Variants in ADAM22 observed in about 807,000 individuals in gnomAD.
ADAM22 encodes the protein disintegrin and metalloproteinase domain-containing protein 22.
ADAM22 carries 65 observed loss-of-function variants against 144.6 expected under a neutral mutation model. The observed-to-expected ratio is 0.45, with a 90% CI of 0.37 to 0.55. The LOEUF (loss-of-function observed/expected upper bound fraction) is 0.55, where lower values mean the gene tolerates loss of function less well. ADAM22 is among the 20% of genes least tolerant of loss of function. The probability of loss-of-function intolerance (pLI) is 0.00; values close to 1 mark genes in which losing one functional copy is unlikely to be tolerated. For missense variants in ADAM22, 974 were observed against 1,184.9 expected (o/e 0.82, Z 2.61); for synonymous variants, 391 against 412.6 (o/e 0.95, Z 0.63).
At chr7:88,163,264 T>C (rs1842179243) in intron 23 of ADAM22, 84 bp downstream of exon 23, 1 of 1,174,394 alleles carries the variant, frequency 8.5e-7, no homozygotes, top group Non-Finnish European at 1.1e-6. Flanking sequence ...TTTTCTTAAT[T>C]ATGGAAAAAA....
intron 2 of ADAM22, among the ~76,000 whole-genome samples, chr7:87,964,033 T>C (rs1212556122): frequency 6.6e-6 from 1 of 152,204 alleles, no homozygotes; most frequent in Non-Finnish European, 1.5e-5. Context: ...AGGGTAGTCT[T>C]CATGTGATTC....
At chr7:88,021,088 C>T (rs1003224192) in intron 3 of ADAM22, among the ~76,000 whole-genome samples, 2 of 152,200 alleles carry the variant, frequency 1.3e-5, no homozygotes, top group African/African-American at 4.8e-5. Context: ...ATCTTCTGTC[C>T]TGCCTTCCAT....
chr7:88,154,642 A>C (rs186896165), intron 21 of ADAM22, among the ~76,000 whole-genome samples: 37 of 152,252 alleles, frequency 2.4e-4, no homozygotes, highest in African/African-American at 8.7e-4. Flanking sequence ...CTTGTGAATA[A>C]AGATCATATC....
intron 3 of ADAM22, among the ~76,000 whole-genome samples, chr7:88,022,153 C>A (rs995370339): frequency 1.2e-4 from 18 of 151,972 alleles, no homozygotes; most frequent in African/African-American, 4.1e-4. Context: ...GCCTCAGCCT[C>A]CCAAAGTGCT....
At chr7:88,134,267 CT>C (rs1586041937) in intron 12 of ADAM22, 61 bp from the exon 13 acceptor site, 1 of 1,283,328 alleles carries the variant, frequency 7.8e-7, no homozygotes, top group Non-Finnish European at 1.1e-6. Context: ...ACATTTTTCT[CT>C]GGTTCTTTGT....
intron 5 of ADAM22, among the ~76,000 whole-genome samples, chr7:88,113,724 A>ATATATAT (rs1826917389): frequency 2.5e-5 from 3 of 118,964 alleles, no homozygotes; most frequent in African/African-American, 1.0e-4. Flanking sequence ...ATATATATAT[A>ATATATAT]TATATATATA....
intron 3 of ADAM22, among the ~76,000 whole-genome samples, chr7:88,051,760 C>G (rs56034490): frequency 0.017 from 2,527 of 151,622 alleles, 84 homozygotes; most frequent in African/African-American, 0.058. Flanking sequence ...TATTTCTTAA[C>G]AAGTTTTATA....
chr7:87,991,434 T>A (rs1789849462), intron 3 of ADAM22, among the ~76,000 whole-genome samples: 1 of 143,844 alleles, frequency 7.0e-6, no homozygotes, highest in Admixed American at 7.4e-5. Context: ...TGGCGGAATC[T>A]CGGCTCACTG....
chr7:88,142,429 A>G (rs1834966404), intron 14 of ADAM22, among the ~76,000 whole-genome samples: 1 of 152,206 alleles, frequency 6.6e-6, no homozygotes, highest in Admixed American at 6.5e-5. Context: ...TTTAATATTT[A>G]GGGAAGACTC....
At chr7:88,135,896 G>T in intron 13 of ADAM22, 84 bp from the exon 14 acceptor site, 1 of 1,179,250 alleles carries the variant, frequency 8.5e-7, no homozygotes. Flanking sequence ...GGAATAAAGT[G>T]GAGATAATTA....
chr7:88,200,591 CTAAT>C lies in ADAM22; in HGVS notation c.*4103_*4106del, dbSNP rs1386649343. 1.3e-5 allele frequency: 2 copies of C among 152,218 alleles called. No individual in the cohort carries two copies. Among genetic ancestry groups the C allele is most frequent in the Non-Finnish European group, 2.9e-5 (2 of 68,042 alleles). 9.4% of individuals were successfully genotyped at this position (152,218 alleles called of 1,614,324 possible). On this transcript the variant is annotated 3_prime_UTR_variant, in exon 32 of 32. Coordinates refer to ENST00000413139, the MANE Select transcript of ADAM22 (RefSeq NM_001324418.2). Reference sequence around the variant, plus strand: ...AGCATCATATCTACTTTTTATGCACCTAATTATATTTTTCCTTTCACTTTTATGT... The same window carrying C: ...AGCATCATATCTACTTTTTATGCACCTATATTTTTCCTTTCACTTTTATGT...
In ADAM22 at chr7:88,165,834, TTGCAGTAA is replaced by T; in HGVS notation, c.2082_2089del (p.Cys694Ter). ...TCTAGCTTGATTTTGGATCTCAGGT[TTGCAGTAA>T]TGAGCTGAAGTGTGTGTGTAACAGA... On this transcript the variant is annotated frameshift_variant, in exon 24 of 32. Coordinates refer to ENST00000413139, the MANE Select transcript of ADAM22 (RefSeq NM_001324418.2). LOFTEE classifies it high-confidence loss of function. 6.3e-7 allele frequency: 1 copy of T among 1,599,380 alleles called. No homozygotes were observed. Among genetic ancestry groups the T allele is most frequent in the Non-Finnish European group, 8.5e-7 (1 of 1,174,026 alleles).
intron 30 of ADAM22, among the ~76,000 whole-genome samples, chr7:88,187,026 A>G (rs1848481934): frequency 6.6e-6 from 1 of 152,228 alleles, no homozygotes; most frequent in Admixed American, 6.5e-5. Flanking sequence ...CTAATAAAGA[A>G]GCACTATTAA....
chr7:88,027,216 C>G (rs1247429721), intron 3 of ADAM22, among the ~76,000 whole-genome samples: 2 of 152,044 alleles, frequency 1.3e-5, no homozygotes, highest in African/African-American at 4.8e-5. Context: ...TTTTGTCTGG[C>G]TTTAGTATCA....
At chr7:88,097,340 C>A (rs1821657822) in intron 4 of ADAM22, among the ~76,000 whole-genome samples, 1 of 151,404 alleles carries the variant, frequency 6.6e-6, no homozygotes, top group Non-Finnish European at 1.5e-5. Context: ...TTAGTAGAGA[C>A]AGGGTTTCAC....
chr7:88,092,440 G>A (rs1408583100), intron 4 of ADAM22, among the ~76,000 whole-genome samples: 1 of 152,126 alleles, frequency 6.6e-6, no homozygotes, highest in South Asian at 2.1e-4. Context: ...AACTTTACAT[G>A]TAACATCAGT....
intron 5 of ADAM22, among the ~76,000 whole-genome samples, chr7:88,110,761 C>T: frequency 1.4e-5 from 1 of 69,844 alleles, no homozygotes; most frequent in African/African-American, 5.5e-5. Context: ...TCATTCTTTT[C>T]TGTCAGAGTC....
At chr7:88,120,463 A>G (rs995927923) in intron 7 of ADAM22, among the ~76,000 whole-genome samples, 4 of 152,066 alleles carry the variant, frequency 2.6e-5, no homozygotes, top group African/African-American at 7.2e-5. Flanking sequence ...TCAGCACTCT[A>G]TGAGAGTTTT....
At chr7:88,075,806 A>G in intron 4 of ADAM22, 114 bp downstream of exon 4, 1 of 833,496 alleles carries the variant, frequency 1.2e-6, no homozygotes, top group Non-Finnish European at 1.9e-6. Context: ...GGTTTTAAAA[A>G]TACTTTATAA....
Sources: allele counts gnomAD v4.1 joint callset (sites outside exome capture counted in the v4.1 genomes callset), GRCh38; gene constraint gnomAD v4.1.1; transcripts MANE v1.5; gene names NCBI Gene and HGNC (gene_info 2026-07-23, HGNC 2026-07-21).